Variants in DPP4 observed in about 807,000 individuals in gnomAD.
DPP4 encodes the protein ADCP-2.
In DPP4, 93 loss-of-function variants were observed where a neutral mutation model predicts 122.4. The ratio of observed to expected loss-of-function variants is 0.76; its 90% CI spans 0.64 to 0.90. The LOEUF is 0.90. Ranked by LOEUF, DPP4 falls within the 40% of genes least tolerant of loss-of-function variation. The pLI, the probability that DPP4 is intolerant of heterozygous loss-of-function variation, is 0.00. For synonymous variants in DPP4, 321 were observed against 302.9 expected (o/e 1.06, Z -0.62); for missense variants, 914 against 907.3 (o/e 1.01, Z -0.09).
chr2:162,025,287 T>C, intron 10 of DPP4, among the ~76,000 whole-genome samples: 1 of 152,066 alleles, frequency 6.6e-6, no homozygotes, highest in East Asian at 1.9e-4. Flanking sequence ...CGCATCTCCT[T>C]TCTGCTGTCT....
At chr2:162,031,005 A>C (rs1326799042) in intron 10 of DPP4, among the ~76,000 whole-genome samples, 1 of 152,212 alleles carries the variant, frequency 6.6e-6, no homozygotes, top group Non-Finnish European at 1.5e-5. Context: ...CGGATCTGTA[A>C]GTGGGAAAGA....
Position 162,033,627 on chromosome 2 carries a change from C to A in DPP4, c.801G>T (p.Lys267Asn). The A allele has an allele frequency of 6.2e-7, 1 of 1,610,730 alleles. No homozygotes were observed. The highest frequency in any genetic ancestry group is 8.5e-7 in the Non-Finnish European group (1 of 1,178,706). Residue 267 changes from lysine to asparagine, a missense_variant, in exon 10 of 26, where the codon AAG becomes AAT. Lys to Asn is a moderately conservative substitution (Grantham distance 94). Transcript: ENST00000360534. The part of the protein sequence containing the change: ...PKAGAVNPTV[K>N]FFVVNTDSLS... Reference sequence around the variant, plus strand: ...GAGAGTCTGTATTTACAACAAAGAACTTTACAGTTGGATTCACAGCTCCTG... The same window carrying A: ...GAGAGTCTGTATTTACAACAAAGAAATTTACAGTTGGATTCACAGCTCCTG...
At chr2:162,001,317 AC>A (rs1025255350) in intron 23 of DPP4, among the ~76,000 whole-genome samples, 25 of 151,820 alleles carry the variant, frequency 1.6e-4, no homozygotes, top group African/African-American at 5.6e-4. Flanking sequence ...ATGAAACTAG[AC>A]CCCCTCTGGC....
At chr2:162,062,997 A>G (rs1049649695) in intron 2 of DPP4, among the ~76,000 whole-genome samples, 20 of 150,584 alleles carry the variant, frequency 1.3e-4, no homozygotes, top group Non-Finnish European at 2.2e-4. Flanking sequence ...AAAAAAAAAA[A>G]GAGAGATGTT....
At chr2:162,072,168 G>A (rs189603957) in intron 2 of DPP4, among the ~76,000 whole-genome samples, 48 of 152,242 alleles carry the variant, frequency 3.2e-4, no homozygotes, top group African/African-American at 1.1e-3. Flanking sequence ...CAACTAACGC[G>A]GTGCCTGGAA....
chr2:162,056,769 G>T (rs1684595713), intron 2 of DPP4, among the ~76,000 whole-genome samples: 1 of 152,208 alleles, frequency 6.6e-6, no homozygotes. Context: ...CTGCCAAGAT[G>T]TAGGCTAGTA....
chr2:162,061,771 C>T (rs1312949852), intron 2 of DPP4, among the ~76,000 whole-genome samples: 1 of 152,122 alleles, frequency 6.6e-6, no homozygotes, highest in Non-Finnish European at 1.5e-5. Flanking sequence ...ATTCAGTGTT[C>T]TAGGCACTAG....
At chr2:162,017,437 A>G (rs957432359) in intron 16 of DPP4, 10 of 394,664 alleles carry the variant, frequency 2.5e-5, no homozygotes, top group Non-Finnish European at 3.2e-5. Flanking sequence ...GCACATTATC[A>G]TCTCTGAACT....
intron 3 of DPP4, among the ~76,000 whole-genome samples, 160 bp from the exon 4 acceptor site, chr2:162,047,166 A>T (rs1347586433): frequency 6.6e-6 from 1 of 152,170 alleles, no homozygotes. Context: ...TCATTTTTTC[A>T]TCATTATTGT....
intron 2 of DPP4, among the ~76,000 whole-genome samples, chr2:162,055,019 AAG>A (rs1016306646): frequency 6.6e-6 from 1 of 152,218 alleles, no homozygotes; most frequent in African/African-American, 2.4e-5. Context: ...AAGAATATAA[AAG>A]AGTCTTTCCT....
chr2:162,034,320 C>T (rs1349643255), intron 9 of DPP4, among the ~76,000 whole-genome samples: 2 of 151,808 alleles, frequency 1.3e-5, no homozygotes, highest in African/African-American at 2.4e-5. Context: ...TTTGTATGTG[C>T]CAGTTTCGCT....
At chr2:162,021,826 T>A (rs950962118) in intron 12 of DPP4, among the ~76,000 whole-genome samples, 2 of 152,162 alleles carry the variant, frequency 1.3e-5, no homozygotes, top group African/African-American at 4.8e-5. Flanking sequence ...AAGTGTAGCG[T>A]GTCTCTTGCC....
chr2:162,018,965 G>A, intron 15 of DPP4, 115 bp from the exon 16 acceptor site: 1 of 1,358,256 alleles, frequency 7.4e-7, no homozygotes, highest in East Asian at 2.4e-5. Context: ...CAATCTTTAG[G>A]ACTTTTTTTT....
At chr2:162,045,690 T>C in intron 4 of DPP4, 78 bp from the exon 5 acceptor site, 3 of 1,042,140 alleles carry the variant, frequency 2.9e-6, no homozygotes, top group Non-Finnish European at 4.5e-6. Flanking sequence ...TCATAGGGGG[T>C]ACTGTTCTAG....
intron 7 of DPP4, among the ~76,000 whole-genome samples, chr2:162,038,632 T>A (rs1314176779): frequency 6.6e-6 from 1 of 152,148 alleles, no homozygotes; most frequent in Non-Finnish European, 1.5e-5. Flanking sequence ...CCATTAATAA[T>A]GTGTTAAAAA....
In DPP4 at chr2:161,993,360, T is replaced by G. The variant is rs758095247; in HGVS notation, c.2224A>C (p.Ile742Leu). ...AMWYTDEDHGIASSTAHQHIY... is the reference protein window; with the variant it reads ...AMWYTDEDHGLASSTAHQHIY... ...TGTTGGTGTGCTGTGCTGCTAGCTA[T>G]TCCATGGTCTTCATCAGTATACCAC... The change falls in exon 26 of 26, where the codon ATA becomes CTA. Residue 742 changes from isoleucine (I) to leucine (L), a missense_variant. By Grantham distance (5) the Ile-to-Leu change is conservative (BLOSUM62 2). Transcript: ENST00000360534. 13 of 1,613,252 alleles carry G rather than the reference T, an allele frequency of 8.1e-6. No homozygotes were observed. The East Asian group carries it at 1.1e-4, about 14-fold the overall frequency.
In DPP4 at chr2:162,073,255, C is replaced by T. The variant is rs1389125125; in HGVS notation, c.94+144G>A. On this transcript the variant is annotated intron_variant, in intron 2 of 25. Transcript: ENST00000360534. ...AATCCAGCTGCTGCTCTACAAGCAG[C>T]AACAACAACTGGGAAGCCTTCTCAG... 11 of 734,644 alleles carry T rather than the reference C, an allele frequency of 1.5e-5. No individual in the cohort carries two copies. The African/African-American group carries it at 1.9e-4, about 13-fold the overall frequency. The allele number at this position is 734,644 out of a possible 1,614,324, so 45.5% of individuals were successfully genotyped here. A position where few individuals can be genotyped will look rare whatever the true frequency, so the allele number is the denominator to read the frequency against.
chr2:162,022,905 A>G, intron 11 of DPP4, 106 bp from the exon 12 acceptor site: 1 of 1,075,190 alleles, frequency 9.3e-7, no homozygotes, highest in Non-Finnish European at 1.4e-6. Flanking sequence ...AATAACTGAG[A>G]GCTATCTCCA....
chr2:161,994,915 G>A (rs1371813580), intron 25 of DPP4, 46 bp downstream of exon 25: 1 of 1,556,222 alleles, frequency 6.4e-7, no homozygotes, highest in Non-Finnish European at 8.9e-7. Flanking sequence ...GAGGAAACTA[G>A]ACCCCACCAG....
Sources: gnomAD v4.1 joint callset for allele counts (sites outside exome capture counted in the v4.1 genomes callset) on GRCh38, gnomAD v4.1.1 for gene constraint, MANE v1.5 for transcripts, NCBI Gene and HGNC (gene_info 2026-07-23, HGNC 2026-07-21) for gene names.